RREB1: variants seen among roughly 807,000 people sequenced by gnomAD.
The protein encoded by RREB1 is ras-responsive element-binding protein 1.
RREB1 carries 27 observed loss-of-function variants against 117.8 expected under a neutral mutation model. The observed-to-expected ratio is 0.23, with a 90% CI of 0.17 to 0.32. The LOEUF (loss-of-function observed/expected upper bound fraction) is 0.32, where lower values mean the gene tolerates loss of function less well. Among genes scored for constraint, RREB1 ranks in the 10% least tolerant of loss-of-function variants. RREB1 has a pLI of 1.00. For synonymous variants in RREB1, 1,298 were observed against 1,026.7 expected (o/e 1.26, Z -5.05); for missense variants, 2,577 against 2,378.2 (o/e 1.08, Z -1.74).
intron 1 of RREB1, among the ~76,000 whole-genome samples, chr6:7,109,350 C>T (rs990111150): frequency 2.0e-5 from 3 of 152,176 alleles, no homozygotes; most frequent in Admixed American, 2.0e-4. Context: ...TTAATGGTTG[C>T]TAAGGAGCAG....
chr6:7,242,647 C>A (rs1192378925), intron 11 of RREB1, among the ~76,000 whole-genome samples: 1 of 151,494 alleles, frequency 6.6e-6, no homozygotes, highest in Non-Finnish European at 1.5e-5. Flanking sequence ...TGGGTTCCCC[C>A]CCCCCAGTGA....
At chr6:7,235,651 C>T (rs961058560) in intron 10 of RREB1, among the ~76,000 whole-genome samples, 16 of 152,266 alleles carry the variant, frequency 1.1e-4, no homozygotes, top group African/African-American at 3.9e-4. Flanking sequence ...GAGTTCCAGC[C>T]AGAAGCATTG....
At chr6:7,204,691 T>TA (rs1165342607) in intron 6 of RREB1, among the ~76,000 whole-genome samples, 1 of 152,178 alleles carries the variant, frequency 6.6e-6, no homozygotes, top group Non-Finnish European at 1.5e-5. Context: ...TGACTTTCCT[T>TA]ACGGTACCAT....
In RREB1 at chr6:7,189,091, G is replaced by T. The variant is rs557156283; in HGVS notation, c.262-68G>T. 12 of 1,432,250 alleles carry T rather than the reference G, an allele frequency of 8.4e-6. No homozygotes were observed. In the East Asian group the frequency reaches 3.0e-4, roughly 36 times the overall value. 88.7% of individuals were successfully genotyped at this position (1,432,250 alleles called of 1,614,324 possible). On this transcript the variant is annotated intron_variant, in intron 5 of 12. Coordinates refer to ENST00000379938, the MANE Select transcript of RREB1 (RefSeq NM_001003699.4). ...GTTTTTTTAATAAAGCTCTGGATCTGCATTTCCTAAGAGCTGAGCTTCTGA... is the reference window on the plus strand; with the variant it reads ...GTTTTTTTAATAAAGCTCTGGATCTTCATTTCCTAAGAGCTGAGCTTCTGA...
intron 1 of RREB1, among the ~76,000 whole-genome samples, chr6:7,125,580 A>AT (rs1477018463): frequency 2.0e-5 from 3 of 152,158 alleles, no homozygotes; most frequent in African/African-American, 7.2e-5. Context: ...GCATTTGGGA[A>AT]TTTAGTTTTG....
chr6:7,170,216 G>A (rs2113492875), intron 1 of RREB1, among the ~76,000 whole-genome samples: 1 of 152,352 alleles, frequency 6.6e-6, no homozygotes, highest in Admixed American at 6.5e-5. Context: ...ACCCTGGCCT[G>A]TGAGAATGAC....
chr6:7,230,930 G>C lies in RREB1; in HGVS notation c.2831G>C (p.Arg944Thr). Residue 944 changes from arginine to threonine, a missense_variant, in exon 10 of 13, where the codon AGG becomes ACG. Physicochemically the swap from Arg to Thr is moderately conservative, Grantham distance 71. Transcript: ENST00000379938. ...GACCTGTCCATCCCCAAGAACTTCA[G>C]GAAAGGGGACAAGGATTTGGCCACT... The part of the protein sequence containing the change: ...PIDLSIPKNF[R>T]KGDKDLATPS... 1 of 1,614,048 alleles carries C rather than the reference G, an allele frequency of 6.2e-7. No individual in the cohort carries two copies. Among genetic ancestry groups the C allele is most frequent in the Non-Finnish European group, 8.5e-7 (1 of 1,179,948 alleles).
At chr6:7,158,381 C>T (rs147802019) in intron 1 of RREB1, among the ~76,000 whole-genome samples, 1 of 152,212 alleles carries the variant, frequency 6.6e-6, no homozygotes, top group Non-Finnish European at 1.5e-5. Flanking sequence ...TCTTAAAACT[C>T]TTACATCACT....
At position 7,230,074 on chromosome 6, in the gene RREB1, C is replaced by G. The variant is rs767087336; in HGVS notation, c.1975C>G (p.Arg659Gly). 4 of 1,601,870 alleles carry G rather than the reference C, an allele frequency of 2.5e-6. No individual in the cohort carries two copies. The South Asian group carries it at 3.3e-5, about 13-fold the overall frequency. Reference sequence around the variant, plus strand: ...GGTGTTTGCCTTCTCGGGGGTCTTGCGTGCCCACGTGCGCTCCCACCTGGG... The same window carrying G: ...GGTGTTTGCCTTCTCGGGGGTCTTGGGTGCCCACGTGCGCTCCCACCTGGG... The part of the protein sequence containing the change: ...NQVFAFSGVL[R>G]AHVRSHLGIS... The change falls in exon 10 of 13, where the codon CGT becomes GGT. Residue 659 changes from arginine (R) to glycine (G), a missense_variant. Transcript: ENST00000379938.
intron 12 of RREB1, among the ~76,000 whole-genome samples, chr6:7,247,798 G>T (rs1487343613): frequency 6.6e-6 from 1 of 152,246 alleles, no homozygotes; most frequent in Non-Finnish European, 1.5e-5. Flanking sequence ...CCCCAGAGCA[G>T]GGGCGCTTAC....
intron 1 of RREB1, among the ~76,000 whole-genome samples, chr6:7,153,050 A>C (rs1763190838): frequency 1.4e-5 from 2 of 147,048 alleles, no homozygotes; most frequent in African/African-American, 2.5e-5. Flanking sequence ...CTGGATTGTA[A>C]TGTGTTTTGG....
intron 5 of RREB1, among the ~76,000 whole-genome samples, chr6:7,188,724 G>T (rs1321476502): frequency 6.6e-6 from 1 of 152,178 alleles, no homozygotes; most frequent in Non-Finnish European, 1.5e-5. Flanking sequence ...ACTCTACCCT[G>T]TGCAGGTTTC....
rs1375707018 is a variant in RREB1 at position 7,231,672 on chromosome 6, C to T, written c.3573C>T (p.Asn1191=). 6.2e-7 allele frequency: 1 copy of T among 1,611,732 alleles called. No individual in the cohort carries two copies. Among genetic ancestry groups the T allele is most frequent in the East Asian group, 2.2e-5 (1 of 44,796 alleles). Residue 1191 remains asparagine (N), a synonymous_variant, in exon 10 of 13, where the codon AAC becomes AAT. Transcript: ENST00000379938. ...AGATGCTGGCCACCACAGACACCAA[C>T]AAGTTCAGTCCGTTTCTGCAGACAG... The part of the protein sequence containing the change: ...IEKMLATTDT[N]KFSPFLQTAE...
intron 1 of RREB1, among the ~76,000 whole-genome samples, chr6:7,165,110 T>C (rs1462973494): frequency 2.0e-5 from 3 of 152,230 alleles, no homozygotes; most frequent in Non-Finnish European, 2.9e-5. Flanking sequence ...GTGCTATCCG[T>C]TGGACTTGAA....
In RREB1 at chr6:7,195,009, A is replaced by G. The variant is rs568546918; in HGVS notation, c.425+5687A>G. Among the ~76,000 whole-genome samples the G allele has an allele frequency of 3.6e-4, 55 of 152,206 alleles. 2 individuals carry two copies. Among genetic ancestry groups the G allele is most frequent in the African/African-American group, 1.3e-3 (53 of 41,456 alleles). ...GATCAGTAAATACTACATGCAAAGC[A>G]CTTGGGGTAGTGCTTGTTAAATGGT... is the stretch of plus-strand genomic sequence containing the variant. On this transcript the variant is annotated intron_variant, in intron 6 of 12. Transcript: ENST00000379938.
intron 1 of RREB1, chr6:7,108,605 A>T (rs1021956472): frequency 6.6e-6 from 1 of 150,624 alleles, no homozygotes; most frequent in African/African-American, 2.4e-5. Context: ...CCTCCCCCCC[A>T]TGTGGGAGGG....
At chr6:7,241,083 A>G (rs1323672674) in intron 11 of RREB1, among the ~76,000 whole-genome samples, 1 of 152,020 alleles carries the variant, frequency 6.6e-6, no homozygotes, top group Non-Finnish European at 1.5e-5. Context: ...TCTTCTTTTC[A>G]ATAACTCTCT....
At chr6:7,154,419 T>G (rs1440135837) in intron 1 of RREB1, among the ~76,000 whole-genome samples, 1 of 152,204 alleles carries the variant, frequency 6.6e-6, no homozygotes, top group South Asian at 2.1e-4. Context: ...TAGCACCTGT[T>G]GAACTCATCA....
chr6:7,226,339 C>A (rs1767585407), intron 8 of RREB1, 128 bp from the exon 9 acceptor site: 1 of 667,564 alleles, frequency 1.5e-6, no homozygotes. Context: ...GACATCATAT[C>A]ATTTTTATTT....
Sources: gnomAD v4.1 joint callset for allele counts (sites outside exome capture counted in the v4.1 genomes callset) on GRCh38, gnomAD v4.1.1 for gene constraint, MANE v1.5 for transcripts, NCBI Gene and HGNC (gene_info 2026-07-23, HGNC 2026-07-21) for gene names.